Variants in DMBT1 observed in about 807,000 individuals in gnomAD.
DMBT1 encodes deleted in malignant brain tumors 1, also known as scavenger receptor cysteine-rich domain-containing protein DMBT1.
DMBT1 carries 198 observed loss-of-function variants against 252.9 expected under a neutral mutation model. That is an observed-to-expected ratio of 0.78 (90% CI 0.70 to 0.88). DMBT1 has a LOEUF of 0.88. DMBT1 is among the 40% of genes least tolerant of loss of function. The pLI is 0.00. For synonymous variants in DMBT1, 990 were observed against 942.7 expected, an observed-to-expected ratio of 1.05 and a Z score of -0.92; for missense variants, 2,432 against 2,404.7, an observed-to-expected ratio of 1.01 and a Z score of -0.24.
intron 6 of DMBT1, 78 bp downstream of exon 6, chr10:122,573,840 T>C: frequency 6.4e-7 from 1 of 1,552,846 alleles, no homozygotes. Flanking sequence ...TCAGATGAGG[T>C]GCAGAGGGCA....
rs764393785 is a variant in DMBT1 at position 122,625,920 on chromosome 10, T to G, written c.5636-13T>G. 1.3e-6 allele frequency: 2 copies of G among 1,582,144 alleles called. No homozygotes were observed. The highest frequency in any genetic ancestry group is 2.2e-5 in the South Asian group (2 of 90,276). On this transcript the variant is annotated splice_polypyrimidine_tract_variant and intron_variant, in intron 45 of 55. Coordinates refer to ENST00000338354, the MANE Select transcript of DMBT1 (RefSeq NM_001377530.1). ...TCTACTAAAATCCTAAACAGCTTCA[T>G]TTTTTTTTCTAGATTGGTGGCATCC...
chr10:122,566,129 G>A (rs2097588538), intron 2 of DMBT1, 133 bp downstream of exon 2: 1 of 920,686 alleles, frequency 1.1e-6, no homozygotes, highest in Admixed American at 2.0e-5. Context: ...GGAATGCCGG[G>A]GGGACAGGAG....
At chr10:122,642,794 C>A (rs1168789378) in intron 55 of DMBT1, among the ~76,000 whole-genome samples, 6 of 152,196 alleles carry the variant, frequency 3.9e-5, no homozygotes, top group African/African-American at 1.4e-4. Flanking sequence ...ACTTCCCTGA[C>A]TCATCTGGTT....
chr10:122,621,149 G>A lies in DMBT1; in HGVS notation c.5377G>A (p.Val1793Met), dbSNP rs201780709. 1.7e-3 allele frequency: 2,809 copies of A among 1,613,836 alleles called. 5 individuals carry two copies. Among genetic ancestry groups the A allele is most frequent in the Non-Finnish European group, 1.9e-3 (2,289 of 1,179,764 alleles). ...EVLYRGSWGT[V>M]CDDSWDTNDA... ...CCTGTATCGAGGCTCCTGGGGAACC[G>A]TGTGTGATGACAGCTGGGACACCAA... The change falls in exon 44 of 56, where the codon GTG becomes ATG. Residue 1793 changes from valine to methionine, a missense_variant. Val to Met is a conservative substitution (Grantham distance 21). Coordinates refer to ENST00000338354, the MANE Select transcript of DMBT1 (RefSeq NM_001377530.1).
At chr10:122,621,804 G>T (rs1302939015) in intron 44 of DMBT1, among the ~76,000 whole-genome samples, 1 of 152,172 alleles carries the variant, frequency 6.6e-6, no homozygotes, top group African/African-American at 2.4e-5. Flanking sequence ...CTCACTTGAG[G>T]CCCCAGTAAG....
chr10:122,600,190 A>T lies in DMBT1; in HGVS notation c.3310+97A>T, dbSNP rs560316726. The T allele has an allele frequency of 9.8e-5, 144 of 1,473,854 alleles. 11 individuals carry two copies. In the South Asian group the frequency reaches 1.8e-3, roughly 18 times the overall value. The allele number at this position is 1,473,854 out of a possible 1,614,324, so 91.3% of individuals were successfully genotyped here. ...AGCTCTCCTGTTTCTCTGTGTGGAT[A>T]CTGTGGGGCATATTATTTCTACCCC... On this transcript the variant is annotated intron_variant, in intron 27 of 55. Coordinates refer to ENST00000338354, the MANE Select transcript of DMBT1 (RefSeq NM_001377530.1).
rs769369658 is a variant in DMBT1 at position 122,636,027 on chromosome 10, T to A, written c.6585T>A (p.Val2195=). Residue 2195 remains valine (V), a synonymous_variant, in exon 53 of 56, where the codon GTT becomes GTA. Transcript: ENST00000338354. The part of the protein sequence containing the change: ...EGGCNYDYIE[V]FDGPYRSSPL... ...GCTGCAACTATGATTATATTGAAGT[T>A]TTCGATGGCCCCTACCGCAGTTCCC... 2 of 1,613,958 alleles carry A rather than the reference T, an allele frequency of 1.2e-6. No individual in the cohort carries two copies. Among genetic ancestry groups the A allele is most frequent in the Non-Finnish European group, 1.7e-6 (2 of 1,179,876 alleles).
In DMBT1 at chr10:122,590,603, C is replaced by T; in HGVS notation, c.2108-62C>T. 8 of 1,562,624 alleles carry T rather than the reference C, an allele frequency of 5.1e-6. 1 individual carries two copies. Among genetic ancestry groups the T allele is most frequent in the South Asian group, 4.6e-5 (4 of 86,050 alleles). ...GCGCTACCAGTTTAGTTCCTTGTACCTTTGTTCTGGTTTTGCCAGCTTCTG... is the reference window on the plus strand; with the variant it reads ...GCGCTACCAGTTTAGTTCCTTGTACTTTTGTTCTGGTTTTGCCAGCTTCTG... On this transcript the variant is annotated intron_variant, in intron 17 of 55. Coordinates refer to ENST00000338354, the MANE Select transcript of DMBT1 (RefSeq NM_001377530.1).
chr10:122,639,119 G>A (rs1205561710), intron 54 of DMBT1, among the ~76,000 whole-genome samples: 3 of 152,224 alleles, frequency 2.0e-5, no homozygotes, highest in Admixed American at 2.0e-4. Flanking sequence ...TCTAAAATTA[G>A]AACTGCTTCT....
At chr10:122,587,593 A>T (rs1290213833) in intron 16 of DMBT1, among the ~76,000 whole-genome samples, 1 of 148,374 alleles carries the variant, frequency 6.7e-6, no homozygotes. Context: ...AAGATGTGCA[A>T]GGGAGTGGGT....
rs750403575 is a variant in DMBT1 at position 122,589,155 on chromosome 10, C to T, written c.1995C>T (p.Val665=). 13 of 1,588,286 alleles carry T rather than the reference C, an allele frequency of 8.2e-6. 1 individual carries two copies. Among genetic ancestry groups the T allele is most frequent in the African/African-American group, 1.3e-5 (1 of 74,518 alleles). The change falls in exon 17 of 56, where the codon GTC becomes GTT. Residue 665 remains valine, a synonymous_variant. Coordinates refer to ENST00000338354, the MANE Select transcript of DMBT1 (RefSeq NM_001377530.1). ...ARFGQGSGPI[V]LDDVRCSGHE... ...TTGGTCAGGGCTCAGGACCCATTGT[C>T]CTGGATGATGTGCGCTGCTCAGGAC... is the stretch of plus-strand genomic sequence containing the variant.
At position 122,643,414 on chromosome 10, in the gene DMBT1, C is replaced by T. The variant is rs760554123; in HGVS notation, c.*16C>T. 3 of 1,603,934 alleles carry T rather than the reference C, an allele frequency of 1.9e-6. No homozygotes were observed. Among genetic ancestry groups the T allele is most frequent in the Non-Finnish European group, 2.6e-6 (3 of 1,174,672 alleles). On this transcript the variant is annotated 3_prime_UTR_variant, in exon 56 of 56. Coordinates refer to ENST00000338354, the MANE Select transcript of DMBT1 (RefSeq NM_001377530.1). ...GCCTCGGTAGGTGGTCGCTCTCAGA[C>T]CCCACTGTCCACCGGGGCGCAGACC...
At position 122,597,996 on chromosome 10, in the gene DMBT1, G is replaced by A. The variant is rs3980981; in HGVS notation, c.2940G>A (p.Leu980=). ...PSPDTLPTIT[L]PASTVGSESS... is the part of the protein sequence containing the mutation. ...CAGACACATTGCCGACCATCACCTT[G>A]CCTGCATCGACAGTAGGTAAATATT... is the stretch of plus-strand genomic sequence containing the variant. The change falls in exon 25 of 56, where the codon TTG becomes TTA. Residue 980 remains leucine, a synonymous_variant. Coordinates refer to ENST00000338354, the MANE Select transcript of DMBT1 (RefSeq NM_001377530.1). The A allele has an allele frequency of 1.3e-4, 202 of 1,613,786 alleles. 2 individuals are homozygous for A. The highest frequency in any genetic ancestry group is 1.2e-3 in the Admixed American group (70 of 59,936).
At chr10:122,570,704 G>A (rs954797584) in intron 3 of DMBT1, among the ~76,000 whole-genome samples, 186 bp from the exon 4 acceptor site, 1 of 152,116 alleles carries the variant, frequency 6.6e-6, no homozygotes, top group African/African-American at 2.4e-5. Context: ...ATGCTTGTGC[G>A]GCATCTTAGC....
intron 8 of DMBT1, among the ~76,000 whole-genome samples, chr10:122,578,175 C>A (rs3013244): frequency 1.3e-5 from 2 of 151,952 alleles, no homozygotes; most frequent in East Asian, 1.9e-4. Flanking sequence ...AGGGTGAGAC[C>A]CTCTAATGTT....
At chr10:122,566,917 T>C (rs534874136) in intron 2 of DMBT1, among the ~76,000 whole-genome samples, 1 of 152,330 alleles carries the variant, frequency 6.6e-6, no homozygotes, top group African/African-American at 2.4e-5. Flanking sequence ...ATCATGTGTC[T>C]GGTGAGTAGC....
intron 4 of DMBT1, among the ~76,000 whole-genome samples, chr10:122,571,616 C>T (rs1457483919): frequency 4.6e-5 from 7 of 152,212 alleles, no homozygotes; most frequent in Admixed American, 3.9e-4. Flanking sequence ...CACATAGTGC[C>T]AGGATGTGTG....
intron 5 of DMBT1, among the ~76,000 whole-genome samples, chr10:122,572,716 C>G (rs1427063864): frequency 2.0e-5 from 3 of 152,072 alleles, no homozygotes; most frequent in Non-Finnish European, 4.4e-5. Context: ...AGTCTCAGCC[C>G]CTCAGAGCCT....
chr10:122,634,687 G>A (rs1177925560), intron 52 of DMBT1, among the ~76,000 whole-genome samples: 1 of 151,952 alleles, frequency 6.6e-6, no homozygotes, highest in African/African-American at 2.4e-5. Flanking sequence ...ATTAGAGACG[G>A]GGTTTCACCA....
Sources: allele counts gnomAD v4.1 joint callset (sites outside exome capture counted in the v4.1 genomes callset), GRCh38; gene constraint gnomAD v4.1.1; transcripts MANE v1.5; gene names NCBI Gene and HGNC (gene_info 2026-07-23, HGNC 2026-07-21).